Variants in TMTC2 observed in about 807,000 individuals in gnomAD.
TMTC2 encodes protein O-mannosyl-transferase TMTC2.
Under a neutral mutation model 82.4 loss-of-function variants are expected in TMTC2, and 43 were observed. That is an observed-to-expected ratio of 0.52 (90% CI 0.41 to 0.67). The LOEUF is 0.67. Among genes scored for constraint, TMTC2 ranks in the 30% least tolerant of loss-of-function variants. The pLI is 0.00. For synonymous variants in TMTC2, 408 were observed against 381.9 expected (o/e 1.07, Z -0.80); for missense variants, 919 against 1,012.4 (o/e 0.91, Z 1.25).
intron 1 of TMTC2, among the ~76,000 whole-genome samples, chr12:82,728,913 C>T (rs1445047421): frequency 2.0e-5 from 3 of 152,234 alleles, no homozygotes; most frequent in Non-Finnish European, 2.9e-5. Context: ...AGCACCTGGG[C>T]CAGCAGCTGC....
intron 10 of TMTC2, among the ~76,000 whole-genome samples, chr12:83,054,727 G>A (rs1234677012): frequency 1.3e-5 from 2 of 151,368 alleles, no homozygotes; most frequent in African/African-American, 4.8e-5. Flanking sequence ...TTTTATTTGT[G>A]TATATGTAAA....
intron 1 of TMTC2, among the ~76,000 whole-genome samples, chr12:82,708,280 A>G (rs1272227288): frequency 2.0e-5 from 3 of 152,210 alleles, no homozygotes; most frequent in African/African-American, 7.2e-5. Flanking sequence ...ACATCTGGAC[A>G]TTCTCAGGGG....
intron 3 of TMTC2, among the ~76,000 whole-genome samples, chr12:82,910,387 C>T (rs1466961825): frequency 7.0e-6 from 1 of 143,420 alleles, no homozygotes; most frequent in Non-Finnish European, 1.5e-5. Flanking sequence ...CAGGCTCCAA[C>T]CCCAGGCTCC....
chr12:82,985,226 T>A lies in TMTC2; in HGVS notation c.1949-699T>A, dbSNP rs572248483. ...CCTGCATGACACCACACCCACCTAA[T>A]TTTTTTTCAGAGATGGAGTTTCACC... On this transcript the variant is annotated intron_variant, in intron 7 of 11. Coordinates refer to ENST00000321196, the MANE Select transcript of TMTC2 (RefSeq NM_152588.3). Among the ~76,000 whole-genome samples, 41 of 151,792 alleles carry A rather than the reference T, an allele frequency of 2.7e-4. 1 individual carries two copies. The South Asian group carries it at 7.9e-3, about 29-fold the overall frequency.
At chr12:82,988,029 G>A (rs971826182) in intron 8 of TMTC2, among the ~76,000 whole-genome samples, 2 of 152,162 alleles carry the variant, frequency 1.3e-5, no homozygotes, top group Admixed American at 6.5e-5. Flanking sequence ...TACTGGAGAT[G>A]TTCTTCAAGA....
intron 1 of TMTC2, among the ~76,000 whole-genome samples, chr12:82,810,412 TTTA>T (rs201766092): frequency 0.016 from 2,407 of 150,346 alleles, 57 homozygotes; most frequent in African/African-American, 0.054. Context: ...TTTTATTTTT[TTTA>T]TTATTTTTAA....
chr12:82,997,740 A>G (rs1229772548), intron 8 of TMTC2, among the ~76,000 whole-genome samples: 2 of 151,862 alleles, frequency 1.3e-5, no homozygotes, highest in African/African-American at 4.8e-5. Flanking sequence ...CATTTCCAAA[A>G]TATATTCCAC....
At position 83,105,772 on chromosome 12, in the gene TMTC2, G is replaced by A. The variant is rs143062084; in HGVS notation, c.2332-26438G>A. 7.9e-3 allele frequency among the ~76,000 whole-genome samples: 1,204 copies of A among 152,262 alleles called. 9 individuals carry two copies. Among genetic ancestry groups the A allele is most frequent in the African/African-American group, 0.028 (1,153 of 41,538 alleles). ...AGTACTCTGGCTTTTTGCAAAGGCA[G>A]ATGCAAATCCTACTAGGAGAAAAGT... On this transcript the variant is annotated intron_variant, in intron 11 of 11. Transcript: ENST00000321196.
chr12:83,025,240 T>G (rs904001295), intron 8 of TMTC2, among the ~76,000 whole-genome samples: 5 of 151,988 alleles, frequency 3.3e-5, no homozygotes, highest in Non-Finnish European at 7.4e-5. Context: ...AGTAGCCTAT[T>G]TATATGTTGA....
chr12:83,020,451 C>T (rs1880866573), intron 8 of TMTC2, among the ~76,000 whole-genome samples: 1 of 152,160 alleles, frequency 6.6e-6, no homozygotes, highest in Non-Finnish European at 1.5e-5. Context: ...AAATGATTTG[C>T]ATAATTTAAA....
intron 1 of TMTC2, among the ~76,000 whole-genome samples, chr12:82,809,987 A>C (rs550407479): frequency 1.3e-5 from 2 of 152,190 alleles, no homozygotes; most frequent in Admixed American, 1.3e-4. Flanking sequence ...TATCATCTTA[A>C]TCTCTTCATT....
At chr12:82,892,316 C>G (rs1873438866) in intron 2 of TMTC2, among the ~76,000 whole-genome samples, 1 of 152,072 alleles carries the variant, frequency 6.6e-6, no homozygotes, top group Admixed American at 6.6e-5. Flanking sequence ...TTTCTCAGTA[C>G]TTAGACATAT....
chr12:82,725,833 A>C (rs1169576620), intron 1 of TMTC2, among the ~76,000 whole-genome samples: 1 of 152,228 alleles, frequency 6.6e-6, no homozygotes. Flanking sequence ...CCTGGGATTA[A>C]TAGAAAGGAA....
At position 82,894,948 on chromosome 12, in the gene TMTC2, C is replaced by T. The variant is rs71450908; in HGVS notation, c.655-870C>T. The stretch of plus-strand genomic sequence containing the variant: ...CTGAGTAGCTGGGACTACAGGTGCA[C>T]ACCACCATGCCTGGCAATTTTTTTT... On this transcript the variant is annotated intron_variant, in intron 2 of 11. Transcript: ENST00000321196. Among the ~76,000 whole-genome samples the T allele has an allele frequency of 2.9e-3, 431 of 150,750 alleles. 2 individuals are homozygous for T. The highest frequency in any genetic ancestry group is 4.1e-3 in the Non-Finnish European group (277 of 67,760).
At chr12:83,083,619 A>G (rs1226739124) in intron 11 of TMTC2, among the ~76,000 whole-genome samples, 1 of 152,162 alleles carries the variant, frequency 6.6e-6, no homozygotes, top group Non-Finnish European at 1.5e-5. Context: ...TTCTCAGTCA[A>G]TATTGTGAAG....
chr12:83,029,999 G>C (rs1357467412), intron 8 of TMTC2, among the ~76,000 whole-genome samples: 1 of 152,032 alleles, frequency 6.6e-6, no homozygotes, highest in Non-Finnish European at 1.5e-5. Context: ...TTGCAGCAAG[G>C]ATAAATAGCT....
intron 11 of TMTC2, among the ~76,000 whole-genome samples, chr12:83,093,202 G>A (rs1883901581): frequency 6.6e-6 from 1 of 152,090 alleles, no homozygotes; most frequent in African/African-American, 2.4e-5. Flanking sequence ...AAAGAATAAT[G>A]AAACACTAGA....
intron 1 of TMTC2, among the ~76,000 whole-genome samples, chr12:82,840,493 A>C (rs1027594333): frequency 6.6e-6 from 1 of 152,190 alleles, no homozygotes. Flanking sequence ...TTGTGAATTT[A>C]TTTAATTAGC....
intron 1 of TMTC2, among the ~76,000 whole-genome samples, chr12:82,751,532 TATA>T (rs1241822946): frequency 2.6e-5 from 4 of 151,858 alleles, no homozygotes; most frequent in East Asian, 1.9e-4. Flanking sequence ...AAACTTAAAG[TATA>T]ATAATAATAA....
Sources: gnomAD v4.1 joint callset for allele counts (sites outside exome capture counted in the v4.1 genomes callset) on GRCh38, gnomAD v4.1.1 for gene constraint, MANE v1.5 for transcripts, NCBI Gene and HGNC (gene_info 2026-07-23, HGNC 2026-07-21) for gene names.